The following PKD1L1 variants were observed in gnomAD, a reference collection of about 807,000 sequenced individuals.
The protein encoded by PKD1L1 is polycystin-1-like protein 1.
Under a neutral mutation model 323.4 loss-of-function variants are expected in PKD1L1, and 236 were observed. The observed-to-expected ratio is 0.73, with a 90% confidence interval of 0.66 to 0.81. PKD1L1 has a LOEUF of 0.81. PKD1L1 is among the 40% of genes least tolerant of loss of function. PKD1L1 has a pLI of 0.00. For synonymous variants in PKD1L1, 1,344 were observed against 1,335.0 expected (o/e 1.01, Z -0.15); for missense variants, 3,320 against 3,508.0 (o/e 0.95, Z 1.35).
At chr7:47,873,634 GCGGAGACTC>G (rs1419978920) in intron 24 of PKD1L1, among the ~76,000 whole-genome samples, 1 of 143,620 alleles carries the variant, frequency 7.0e-6, no homozygotes, top group Non-Finnish European at 1.5e-5. Flanking sequence ...TGGGTGACAG[GCGGAGACTC>G]TGTCTCAAAA....
At chr7:47,897,800 C>A (rs1786989610) in intron 14 of PKD1L1, among the ~76,000 whole-genome samples, 188 bp downstream of exon 14, 1 of 152,106 alleles carries the variant, frequency 6.6e-6, no homozygotes, top group Admixed American at 6.5e-5. Context: ...TGCATTTGAA[C>A]ATAATTTGTT....
At chr7:47,780,848 CAAAT>C (rs1786675501) in intron 56 of PKD1L1, among the ~76,000 whole-genome samples, 1 of 152,200 alleles carries the variant, frequency 6.6e-6, no homozygotes, top group Admixed American at 6.5e-5. Flanking sequence ...AGAGGTGTCA[CAAAT>C]AAAGCTGCTG....
At chr7:47,860,341 T>C (rs1041374926) in intron 26 of PKD1L1, among the ~76,000 whole-genome samples, 1 of 152,236 alleles carries the variant, frequency 6.6e-6, no homozygotes, top group Non-Finnish European at 1.5e-5. Flanking sequence ...AATGTATCTG[T>C]TTGCAACTTC....
At position 47,803,293 on chromosome 7, in the gene PKD1L1, C is replaced by T. The variant is rs748971698; in HGVS notation, c.7879G>A (p.Val2627Ile). The T allele has an allele frequency of 3.6e-5, 58 of 1,613,962 alleles. No individual in the cohort carries two copies. Among genetic ancestry groups the T allele is most frequent in the Non-Finnish European group, 4.1e-5 (48 of 1,180,030 alleles). Residue 2627 changes from valine (V) to isoleucine (I), a missense_variant, in exon 53 of 57, where the codon GTC becomes ATC. Val to Ile is a conservative substitution (Grantham distance 29). Coordinates refer to ENST00000289672, the MANE Select transcript of PKD1L1 (RefSeq NM_138295.5). ...ILLFLFTLKC[V>I]YLPGIQNTMA... Reference sequence around the variant, plus strand: ...GTGTTTTGAATGCCAGGAAGATAGACGCATTTTAATGTGAAGAGGAATAAG... The same window carrying T: ...GTGTTTTGAATGCCAGGAAGATAGATGCATTTTAATGTGAAGAGGAATAAG...
chr7:47,801,780 T>C (rs1018495237), intron 53 of PKD1L1, among the ~76,000 whole-genome samples: 2 of 152,238 alleles, frequency 1.3e-5, no homozygotes, highest in African/African-American at 4.8e-5. Context: ...CAAATTGAGC[T>C]GTGTGGTCTC....
chr7:47,838,805 G>A (rs1238542186), intron 36 of PKD1L1, among the ~76,000 whole-genome samples: 3 of 146,600 alleles, frequency 2.0e-5, no homozygotes, highest in Non-Finnish European at 3.0e-5. Flanking sequence ...TTGAACCCGG[G>A]AGGCAGAGGT....
intron 26 of PKD1L1, among the ~76,000 whole-genome samples, chr7:47,862,203 A>T (rs1786047397): frequency 1.3e-5 from 2 of 152,170 alleles, no homozygotes; most frequent in South Asian, 4.1e-4. Flanking sequence ...TGAAAAAAAA[A>T]AGAGCAATTG....
Position 47,902,383 on chromosome 7 carries a change from A to T in PKD1L1, c.2060T>A (p.Val687Asp). The change falls in exon 13 of 57, where the codon GTC becomes GAC. Residue 687 changes from valine (V) to aspartate (D), a missense_variant. By Grantham distance (152) the Val-to-Asp change is radical. Coordinates refer to ENST00000289672, the MANE Select transcript of PKD1L1 (RefSeq NM_138295.5). The stretch of plus-strand genomic sequence containing the variant: ...TTTCCCAGACTCCGAGCCTACCTGG[A>T]CTTTCCCAGGCCCCATGTTCTTCAC... Reference protein sequence around the residue: ...PLVKNMGPGKVQIWRSQPVRL... With the variant: ...PLVKNMGPGKDQIWRSQPVRL... 6.2e-7 allele frequency: 1 copy of T among 1,614,062 alleles called. No individual in the cohort carries two copies. Among genetic ancestry groups the T allele is most frequent in the Non-Finnish European group, 8.5e-7 (1 of 1,179,970 alleles).
chr7:47,810,117 A>G (rs1238671301), intron 50 of PKD1L1, among the ~76,000 whole-genome samples: 6 of 152,164 alleles, frequency 3.9e-5, no homozygotes, highest in Non-Finnish European at 8.8e-5. Context: ...ACTCAAATTT[A>G]GTTATGGATT....
rs17659820 is a variant in PKD1L1, at chr7:47,820,912, C to A, written c.6965+164G>T. ...TTTACCCCAAACGAGATGCTAAGAA[C>A]GTGTCCAAAGTCTGTGAATGGAAGG... On this transcript the variant is annotated intron_variant, in intron 46 of 56. Coordinates refer to ENST00000289672, the MANE Select transcript of PKD1L1 (RefSeq NM_138295.5). 5.3e-3 allele frequency among the ~76,000 whole-genome samples: 809 copies of A among 152,168 alleles called. 6 individuals carry two copies. Among genetic ancestry groups the A allele is most frequent in the Middle Eastern group, 0.01 (3 of 294 alleles).
intron 49 of PKD1L1, 87 bp downstream of exon 49, chr7:47,813,034 G>A (rs1784934144): frequency 6.7e-7 from 1 of 1,497,886 alleles, no homozygotes; most frequent in African/African-American, 1.4e-5. Context: ...GGCTGCACCT[G>A]CTGCAGATGC....
rs765384909 is a variant in PKD1L1 at position 47,873,927 on chromosome 7, G to A, written c.3868C>T (p.His1290Tyr). Residue 1290 changes from histidine (H) to tyrosine (Y), a missense_variant, in exon 24 of 57, where the codon CAT becomes TAT. By Grantham distance (83) the His-to-Tyr change is moderately conservative. Transcript: ENST00000289672. ...TVVVTVLPRY[H>Y]GNDCLGEDLY... ...TCCTCGCCCAGACAGTCATTTCCAT[G>A]GTAGCGGGGCAGCACAGTCACCACC... 2.5e-6 allele frequency: 4 copies of A among 1,613,890 alleles called. No individual in the cohort carries two copies. Among genetic ancestry groups the A allele is most frequent in the Non-Finnish European group, 3.4e-6 (4 of 1,179,868 alleles).
intron 39 of PKD1L1, 80 bp from the exon 40 acceptor site, chr7:47,834,465 G>T: frequency 8.7e-7 from 1 of 1,154,462 alleles, no homozygotes. Context: ...AGGATTAGCG[G>T]GGACACTACT....
At chr7:47,777,177 C>T (rs1350882035) in intron 56 of PKD1L1, among the ~76,000 whole-genome samples, 1 of 152,218 alleles carries the variant, frequency 6.6e-6, no homozygotes, top group African/African-American at 2.4e-5. Flanking sequence ...CAGGCGCGAG[C>T]CACCACACCC....
chr7:47,937,437 A>G (rs2708880), intron 3 of PKD1L1, among the ~76,000 whole-genome samples: 80,191 of 151,962 alleles, frequency 0.53, 21,254 homozygotes, highest in African/African-American at 0.56. Flanking sequence ...AGTGGGAACC[A>G]AGAGAGCACA....
chr7:47,782,377 T>C (rs1786718145), intron 56 of PKD1L1, among the ~76,000 whole-genome samples: 1 of 152,176 alleles, frequency 6.6e-6, no homozygotes. Flanking sequence ...AAGGAGGCCC[T>C]GGCAAGCACA....
chr7:47,945,037 T>C (rs1222928183), intron 1 of PKD1L1, among the ~76,000 whole-genome samples: 2 of 152,128 alleles, frequency 1.3e-5, no homozygotes, highest in Non-Finnish European at 2.9e-5. Context: ...AAGGGCAGGC[T>C]CTACATCCAC....
chr7:47,874,975 C>G (rs1414704623), intron 23 of PKD1L1, among the ~76,000 whole-genome samples: 1 of 152,168 alleles, frequency 6.6e-6, no homozygotes, highest in Non-Finnish European at 1.5e-5. Flanking sequence ...TGACACTGCT[C>G]TGGGACTGTG....
At chr7:47,791,157 T>C (rs368787546) in intron 56 of PKD1L1, among the ~76,000 whole-genome samples, 26 of 152,280 alleles carry the variant, frequency 1.7e-4, no homozygotes, top group African/African-American at 6.3e-4. Flanking sequence ...AATATTTTTT[T>C]CTGTTCAAAT....
Sources: gnomAD v4.1 joint callset for allele counts (sites outside exome capture counted in the v4.1 genomes callset) on GRCh38, gnomAD v4.1.1 for gene constraint, MANE v1.5 for transcripts, NCBI Gene and HGNC (gene_info 2026-07-23, HGNC 2026-07-21) for gene names.